Variants in RSU1 observed in about 807,000 individuals in gnomAD.
The protein encoded by RSU1 is rsu-1.
In RSU1, 26 loss-of-function variants were observed where a neutral mutation model predicts 31.1. The ratio of observed to expected loss-of-function variants is 0.84; its 90% confidence interval spans 0.61 to 1.16. The LOEUF (loss-of-function observed/expected upper bound fraction) is 1.16, where lower values mean the gene tolerates loss of function less well. RSU1 is among the 50% of genes most tolerant of loss of function. The pLI is 0.00. For synonymous variants in RSU1, 164 were observed against 136.3 expected, an observed-to-expected ratio of 1.20 and a Z score of -1.41; for missense variants, 320 against 339.1, an observed-to-expected ratio of 0.94 and a Z score of 0.44.
chr10:16,629,023 C>G (rs983451960), intron 8 of RSU1, among the ~76,000 whole-genome samples: 2 of 152,208 alleles, frequency 1.3e-5, no homozygotes, highest in African/African-American at 4.8e-5. Context: ...ATGCATCACT[C>G]TTGGCCACAG....
intron 7 of RSU1, among the ~76,000 whole-genome samples, chr10:16,718,440 T>C (rs889442090): frequency 6.6e-6 from 1 of 152,218 alleles, no homozygotes; most frequent in Non-Finnish European, 1.5e-5. Flanking sequence ...ATTATCCTGA[T>C]CTGGAAAGTC....
intron 8 of RSU1, among the ~76,000 whole-genome samples, chr10:16,689,680 C>G (rs1377278477): frequency 6.6e-6 from 1 of 152,210 alleles, no homozygotes; most frequent in East Asian, 1.9e-4. Context: ...TCCCACCATT[C>G]ACCAAAGACT....
chr10:16,808,660 C>G (rs1838333157), intron 2 of RSU1, among the ~76,000 whole-genome samples: 1 of 152,130 alleles, frequency 6.6e-6, no homozygotes, highest in South Asian at 2.1e-4. Flanking sequence ...AGAGTAGGCA[C>G]TCAGGTCTGT....
intron 8 of RSU1, among the ~76,000 whole-genome samples, chr10:16,643,868 G>T (rs1193460862): frequency 6.6e-6 from 1 of 150,452 alleles, no homozygotes; most frequent in Non-Finnish European, 1.5e-5. Context: ...ATGGATGGCT[G>T]CGTCTGTACT....
At position 16,752,936 on chromosome 10, in the gene RSU1, C is replaced by G; in HGVS notation, c.465G>C (p.Lys155Asn). The stretch of plus-strand genomic sequence containing the variant: ...TACTTACTATCTGCAACTTTGTGAG[C>G]TTCCCAATATCTGGCGGCAGGATTT... The part of the protein sequence containing the change: ...DFEILPPDIG[K>N]LTKLQILSLR... The change falls in exon 6 of 9, where the codon AAG becomes AAC. Residue 155 changes from lysine (K) to asparagine (N), a missense_variant. Lys to Asn is a moderately conservative substitution (Grantham distance 94). Transcript: ENST00000345264. 1 of 1,613,948 alleles carries G rather than the reference C, an allele frequency of 6.2e-7. No homozygotes were observed. The highest frequency in any genetic ancestry group is 8.5e-7 in the Non-Finnish European group (1 of 1,179,836).
intron 2 of RSU1, among the ~76,000 whole-genome samples, chr10:16,801,089 CTTTT>C (rs375892886): frequency 5.1e-5 from 7 of 137,836 alleles, no homozygotes; most frequent in South Asian, 4.6e-4. Flanking sequence ...CAGTGTGGAT[CTTTT>C]TTTTAAAAAA....
chr10:16,701,305 C>G (rs752559632), intron 7 of RSU1, among the ~76,000 whole-genome samples: 1 of 152,202 alleles, frequency 6.6e-6, no homozygotes, highest in Non-Finnish European at 1.5e-5. Context: ...GGCCCATTCT[C>G]TTCTGTCTGC....
At chr10:16,637,292 T>G (rs1336302812) in intron 8 of RSU1, among the ~76,000 whole-genome samples, 1 of 152,146 alleles carries the variant, frequency 6.6e-6, no homozygotes, top group Non-Finnish European at 1.5e-5. Context: ...GAGTGTAAAC[T>G]AGTTAGACAG....
chr10:16,733,329 A>T (rs12763333), intron 7 of RSU1, among the ~76,000 whole-genome samples: 1 of 111,192 alleles, frequency 9.0e-6, no homozygotes, highest in Admixed American at 9.4e-5. Flanking sequence ...CATCTCTACG[A>T]CAATAAAAAA....
chr10:16,673,776 T>C (rs1284192404), intron 8 of RSU1, among the ~76,000 whole-genome samples: 1 of 152,212 alleles, frequency 6.6e-6, no homozygotes. Context: ...ACTGAGGGAC[T>C]CTTTATGCTC....
chr10:16,808,260 C>T (rs1443420957), intron 2 of RSU1, among the ~76,000 whole-genome samples: 1 of 151,866 alleles, frequency 6.6e-6, no homozygotes, highest in Non-Finnish European at 1.5e-5. Context: ...GGTGGATCAC[C>T]TGAGGCCAGG....
At chr10:16,623,092 C>CA (rs915254614) in intron 8 of RSU1, among the ~76,000 whole-genome samples, 2 of 152,026 alleles carry the variant, frequency 1.3e-5, no homozygotes, top group Non-Finnish European at 2.9e-5. Context: ...GTCACCTGGA[C>CA]AAAATGTGTG....
rs1437809362 is a variant in RSU1, at chr10:16,726,722, ATAT to A, written c.598+25814_598+25816del. ...TGAGAGCAATACCATCTTTTTTCTC[ATAT>A]TGAATTAGTTGCCAAAAAAATGGCC... On this transcript the variant is annotated intron_variant, in intron 7 of 8. Coordinates refer to ENST00000345264, the MANE Select transcript of RSU1 (RefSeq NM_012425.4). Among the ~76,000 whole-genome samples the A allele has an allele frequency of 7.9e-5, 12 of 152,216 alleles. No individual in the cohort carries two copies. The East Asian group carries it at 2.1e-3, about 27-fold the overall frequency.
chr10:16,682,432 G>A (rs1389384642), intron 8 of RSU1, among the ~76,000 whole-genome samples: 1 of 152,016 alleles, frequency 6.6e-6, no homozygotes, highest in East Asian at 1.9e-4. Flanking sequence ...TTGCTTTAAA[G>A]ATAATATTGA....
At chr10:16,712,066 C>A (rs796897773) in intron 7 of RSU1, among the ~76,000 whole-genome samples, 1 of 152,210 alleles carries the variant, frequency 6.6e-6, no homozygotes, top group African/African-American at 2.4e-5. Context: ...TTGAATTTAT[C>A]CTTTAATCAT....
At chr10:16,756,802 TGTGA>T (rs1211456617) in intron 4 of RSU1, among the ~76,000 whole-genome samples, 1 of 151,868 alleles carries the variant, frequency 6.6e-6, no homozygotes, top group African/African-American at 2.4e-5. Context: ...GTCAATTGTG[TGTGA>T]GTGTGTGTGT....
rs528219936 is a variant in RSU1, at chr10:16,757,169, A to T, written c.282-2180T>A. 5.9e-5 allele frequency among the ~76,000 whole-genome samples: 9 copies of T among 151,736 alleles called. No homozygotes were observed. The South Asian group carries it at 1.7e-3, about 28-fold the overall frequency. On this transcript the variant is annotated intron_variant, in intron 4 of 8. Coordinates refer to ENST00000345264, the MANE Select transcript of RSU1 (RefSeq NM_012425.4). ...GAAGTCTAAGGGAATTTTTTTCTAC[A>T]CTATCTTTTATCCTTTCTTCAAGCC...
At chr10:16,685,725 T>C (rs1386506518) in intron 8 of RSU1, among the ~76,000 whole-genome samples, 2 of 152,088 alleles carry the variant, frequency 1.3e-5, no homozygotes, top group Admixed American at 6.5e-5. Context: ...TGACTTCCTA[T>C]CTCACCCTGT....
At chr10:16,659,803 T>G (rs1308870537) in intron 8 of RSU1, among the ~76,000 whole-genome samples, 3 of 152,206 alleles carry the variant, frequency 2.0e-5, no homozygotes, top group Non-Finnish European at 4.4e-5. Context: ...TACTGGTTGT[T>G]TTTAATGTCT....
Sources: allele counts gnomAD v4.1 joint callset (sites outside exome capture counted in the v4.1 genomes callset), GRCh38; gene constraint gnomAD v4.1.1; transcripts MANE v1.5; gene names NCBI Gene and HGNC (gene_info 2026-07-23, HGNC 2026-07-21).